The following DPYD variants were observed in gnomAD, a reference collection of about 807,000 sequenced individuals.
DPYD encodes the protein dihydropyrimidine dehydrogenase, also known as dihydropyrimidine dehydrogenase [NADP(+)].
A neutral mutation model predicts 116.2 loss-of-function variants in DPYD; 109 were observed. The ratio of observed to expected loss-of-function variants is 0.94; its 90% confidence interval spans 0.80 to 1.10. The LOEUF is 1.10. Among genes scored for constraint, DPYD ranks in the 50% least tolerant of loss-of-function variants. The probability of loss-of-function intolerance (pLI) is 0.00; values close to 1 mark genes in which losing one functional copy is unlikely to be tolerated. For missense variants in DPYD, 1,302 were observed against 1,254.5 expected, an observed-to-expected ratio of 1.04 and a Z score of -0.57; for synonymous variants, 440 against 432.0, an observed-to-expected ratio of 1.02 and a Z score of -0.23.
chr1:97,262,918 T>C (rs1259377088), intron 18 of DPYD, among the ~76,000 whole-genome samples: 1 of 152,058 alleles, frequency 6.6e-6, no homozygotes, highest in African/African-American at 2.4e-5. Context: ...TAAGATACAG[T>C]GCAAATCCCT....
chr1:97,542,500 C>T (rs1368479076), intron 12 of DPYD, among the ~76,000 whole-genome samples: 1 of 152,052 alleles, frequency 6.6e-6, no homozygotes, highest in Admixed American at 6.6e-5. Flanking sequence ...TCTAATTACC[C>T]AGTATTATTC....
chr1:97,309,827 GATA>G (rs2101052843), intron 16 of DPYD, among the ~76,000 whole-genome samples: 1 of 151,752 alleles, frequency 6.6e-6, no homozygotes, highest in East Asian at 2.0e-4. Context: ...TGGGACACAA[GATA>G]ATAATTTTTA....
At chr1:97,101,701 CTTCA>C (rs1650702478) in intron 20 of DPYD, among the ~76,000 whole-genome samples, 1 of 152,000 alleles carries the variant, frequency 6.6e-6, no homozygotes. Context: ...AGCTTTTCCT[CTTCA>C]TTCATTATTT....
At chr1:97,919,385 A>G (rs940961792) in intron 1 of DPYD, among the ~76,000 whole-genome samples, 18 of 152,230 alleles carry the variant, frequency 1.2e-4, no homozygotes, top group African/African-American at 4.1e-4. Context: ...TTGGCATTCA[A>G]TGTTTCACTG....
chr1:97,360,604 C>G (rs1049384842), intron 16 of DPYD, among the ~76,000 whole-genome samples: 1 of 152,214 alleles, frequency 6.6e-6, no homozygotes, highest in African/African-American at 2.4e-5. Flanking sequence ...AACAAACTGT[C>G]TCTCAGACCA....
chr1:97,258,734 G>A (rs955837333), intron 18 of DPYD, among the ~76,000 whole-genome samples: 2 of 152,126 alleles, frequency 1.3e-5, no homozygotes, highest in African/African-American at 2.4e-5. Context: ...TGAGAATTTT[G>A]AGCAAGGTAG....
In DPYD at chr1:97,592,936, A is replaced by T. The variant is rs529350717; in HGVS notation, c.1128+282T>A. On this transcript the variant is annotated intron_variant, in intron 10 of 22. Transcript: ENST00000370192. ...CAGGATATGGAAGACTTAGCACTTT[A>T]CATTGTTACTAGTTACATAGAATAC... Among the ~76,000 whole-genome samples, 17 of 152,332 alleles carry T rather than the reference A, an allele frequency of 1.1e-4. No individual in the cohort carries two copies. In the East Asian group the frequency reaches 1.4e-3, roughly 12 times the overall value.
intron 14 of DPYD, chr1:97,394,508 C>T (rs945549554): frequency 3.3e-5 from 5 of 151,940 alleles, no homozygotes; most frequent in East Asian, 3.9e-4. Context: ...AACGGGTGTT[C>T]GTGGCACCTG....
chr1:97,744,930 A>G (rs1204354724), intron 3 of DPYD, among the ~76,000 whole-genome samples: 2 of 152,166 alleles, frequency 1.3e-5, no homozygotes, highest in East Asian at 1.9e-4. Context: ...AGACCCTATC[A>G]TAATAAAGGA....
At chr1:97,590,450 G>A (rs1435508017) in intron 10 of DPYD, among the ~76,000 whole-genome samples, 2 of 152,160 alleles carry the variant, frequency 1.3e-5, no homozygotes, top group African/African-American at 4.8e-5. Flanking sequence ...TAGCACCCAA[G>A]GTGCTAAACA....
At chr1:97,790,957 T>C (rs1667291644) in intron 3 of DPYD, among the ~76,000 whole-genome samples, 1 of 152,200 alleles carries the variant, frequency 6.6e-6, no homozygotes, top group Admixed American at 6.5e-5. Flanking sequence ...TATGAATAGA[T>C]AAGTTATTCT....
At chr1:97,582,950 T>C (rs1653795301) in intron 10 of DPYD, among the ~76,000 whole-genome samples, 1 of 151,934 alleles carries the variant, frequency 6.6e-6, no homozygotes, top group African/African-American at 2.4e-5. Context: ...TTTTAACAAG[T>C]AAAGGGTTGA....
chr1:97,085,529 T>A (rs1308203048), intron 21 of DPYD, among the ~76,000 whole-genome samples: 2 of 152,230 alleles, frequency 1.3e-5, no homozygotes, highest in Non-Finnish European at 2.9e-5. Flanking sequence ...TTTTTCTTTA[T>A]CTGGAAGAGG....
intron 20 of DPYD, among the ~76,000 whole-genome samples, chr1:97,128,278 G>A (rs1653004312): frequency 6.6e-6 from 1 of 152,066 alleles, no homozygotes; most frequent in African/African-American, 2.4e-5. Context: ...ATATTCTTGA[G>A]TTCTCATTTA....
chr1:97,149,381 T>C (rs1442988869), intron 20 of DPYD, among the ~76,000 whole-genome samples: 1 of 152,160 alleles, frequency 6.6e-6, no homozygotes, highest in Non-Finnish European at 1.5e-5. Flanking sequence ...ACATCCCAAG[T>C]AGCTGGGATT....
intron 1 of DPYD, among the ~76,000 whole-genome samples, chr1:97,896,180 A>C (rs529156740): frequency 1.3e-5 from 2 of 151,918 alleles, no homozygotes; most frequent in South Asian, 4.1e-4. Context: ...TGTTCCAAAC[A>C]CTCATTGAAC....
chr1:97,313,558 A>G (rs979723099), intron 16 of DPYD, among the ~76,000 whole-genome samples: 30 of 151,816 alleles, frequency 2.0e-4, no homozygotes, highest in African/African-American at 7.0e-4. Context: ...AAGATGACAT[A>G]GACCCACCTG....
At chr1:97,899,085 A>T (rs1558040509) in intron 1 of DPYD, among the ~76,000 whole-genome samples, 1 of 151,556 alleles carries the variant, frequency 6.6e-6, no homozygotes, top group Non-Finnish European at 1.5e-5. Flanking sequence ...TCTGTCAGAC[A>T]AGAGTGTTTT....
intron 14 of DPYD, among the ~76,000 whole-genome samples, chr1:97,429,933 T>G (rs1426775989): frequency 2.0e-5 from 3 of 152,104 alleles, no homozygotes; most frequent in African/African-American, 7.2e-5. Flanking sequence ...AGAAGTATGA[T>G]ATGCTTAATA....
Sources: allele counts gnomAD v4.1 joint callset (sites outside exome capture counted in the v4.1 genomes callset), GRCh38; gene constraint gnomAD v4.1.1; transcripts MANE v1.5; gene names NCBI Gene and HGNC (gene_info 2026-07-23, HGNC 2026-07-21).